ARMC2: variants seen among roughly 807,000 people sequenced by gnomAD.
ARMC2 encodes the protein armadillo repeat containing 2, also known as armadillo repeat-containing protein 2.
In ARMC2, 67 loss-of-function variants were observed where a neutral mutation model predicts 90.3. The ratio of observed to expected loss-of-function variants is 0.74; its 90% CI spans 0.61 to 0.91. The LOEUF is 0.91. Ranked by LOEUF, ARMC2 falls within the 40% of genes least tolerant of loss-of-function variation. The pLI is 0.00. For missense variants in ARMC2, 920 were observed against 1,030.9 expected (o/e 0.89, Z 1.47); for synonymous variants, 393 against 393.0 (o/e 1.00, Z 0.00).
chr6:108,907,952 T>A, intron 8 of ARMC2: 2 of 1,215,370 alleles, frequency 1.6e-6, no homozygotes, highest in Admixed American at 4.6e-5. Context: ...AATATTATTT[T>A]AAATACCTAA....
chr6:108,955,736 G>A (rs1472382571), intron 13 of ARMC2, among the ~76,000 whole-genome samples: 1 of 152,194 alleles, frequency 6.6e-6, no homozygotes, highest in African/African-American at 2.4e-5. Flanking sequence ...AATGCACGTA[G>A]CTGTGAGAGA....
chr6:108,904,188 C>T, intron 7 of ARMC2, 42 bp from the exon 8 acceptor site: 1 of 1,597,774 alleles, frequency 6.3e-7, no homozygotes, highest in South Asian at 1.1e-5. Flanking sequence ...GGAAACTTAA[C>T]CTTAATTAGT....
chr6:108,936,191 A>G (rs749695166), intron 11 of ARMC2, among the ~76,000 whole-genome samples: 4 of 152,196 alleles, frequency 2.6e-5, no homozygotes, highest in Non-Finnish European at 4.4e-5. Flanking sequence ...GTATAGCACT[A>G]CCAATCTACT....
At chr6:108,849,870 G>GCATTTAAA (rs1384323352) in intron 1 of ARMC2, among the ~76,000 whole-genome samples, 3 of 152,234 alleles carry the variant, frequency 2.0e-5, no homozygotes, top group Non-Finnish European at 4.4e-5. Flanking sequence ...TGAATTGTCA[G>GCATTTAAA]CATTTAAACC....
chr6:108,908,129 C>T (rs1005202874), intron 8 of ARMC2, among the ~76,000 whole-genome samples: 4 of 124,730 alleles, frequency 3.2e-5, no homozygotes, highest in African/African-American at 1.1e-4. Flanking sequence ...GATTCTGAGT[C>T]GGTAGTGCTG....
rs76516239 is a variant in ARMC2, at chr6:108,972,929, A to G, written c.2447-428A>G. The stretch of plus-strand genomic sequence containing the variant: ...GCAATTCTCCTACCTCAGGCTCCCA[A>G]TGTGTTGGCATTACAGGTATGAGCC... On this transcript the variant is annotated intron_variant, in intron 17 of 17. Transcript: ENST00000392644. Among the ~76,000 whole-genome samples the G allele has an allele frequency of 1.9e-3, 296 of 152,022 alleles. 5 individuals are homozygous for G. The East Asian group carries it at 0.053, about 27-fold the overall frequency.
At chr6:108,887,567 G>A (rs549425410) in intron 5 of ARMC2, among the ~76,000 whole-genome samples, 1 of 152,160 alleles carries the variant, frequency 6.6e-6, no homozygotes, top group Non-Finnish European at 1.5e-5. Context: ...AGGCCTGATT[G>A]CACCATGCCT....
At chr6:108,978,434 A>G (rs142523064), downstream of ARMC2, among the ~76,000 whole-genome samples, 1 of 152,170 alleles carries the variant, frequency 6.6e-6, no homozygotes, top group African/African-American at 2.4e-5. Context: ...CAATTTTAGC[A>G]TAAGTGCAAT....
intron 3 of ARMC2, among the ~76,000 whole-genome samples, chr6:108,858,590 T>C (rs2128418827): frequency 6.6e-6 from 1 of 150,878 alleles, no homozygotes; most frequent in East Asian, 1.9e-4. Flanking sequence ...CAGTTATATA[T>C]ACAAAAATTA....
At chr6:109,007,419 A>G in the ARMC2 span, among the ~76,000 whole-genome samples, 1 of 152,208 alleles carries the variant, frequency 6.6e-6, no homozygotes, top group Non-Finnish European at 1.5e-5. Context: ...AAATTAGTTG[A>G]GAAGTAAAAA....
At chr6:108,988,768 T>C in the ARMC2 span, 9 of 1,110,620 alleles carry the variant, frequency 8.1e-6, no homozygotes, top group Non-Finnish European at 1.1e-5. Flanking sequence ...ACATCAATAG[T>C]TAATACTGTA....
chr6:109,019,689 A>G, the ARMC2 span, among the ~76,000 whole-genome samples: 8 of 152,314 alleles, frequency 5.3e-5, no homozygotes, highest in East Asian at 1.2e-3. Context: ...TTACATTTCA[A>G]TTGAAAAAAA....
At chr6:108,926,076 G>A (rs1403488790) in intron 10 of ARMC2, among the ~76,000 whole-genome samples, 1 of 152,162 alleles carries the variant, frequency 6.6e-6, no homozygotes, top group Non-Finnish European at 1.5e-5. Flanking sequence ...CCTTTCTGCT[G>A]GCAATGTCCC....
the ARMC2 span, among the ~76,000 whole-genome samples, chr6:109,018,247 A>G: frequency 6.6e-6 from 1 of 152,230 alleles, no homozygotes; most frequent in East Asian, 1.9e-4. Context: ...TCAACATTAA[A>G]TTCAATGGAG....
chr6:108,971,508 G>A (rs1362583243), intron 17 of ARMC2, among the ~76,000 whole-genome samples: 1 of 152,120 alleles, frequency 6.6e-6, no homozygotes, highest in East Asian at 1.9e-4. Context: ...TTTGGGTGGT[G>A]ACACTAACAC....
At chr6:108,960,154 TC>T (rs1386628944) in intron 13 of ARMC2, among the ~76,000 whole-genome samples, 3 of 152,270 alleles carry the variant, frequency 2.0e-5, no homozygotes, top group East Asian at 3.9e-4. Flanking sequence ...TTGGCCCTCT[TC>T]CTGTGCCCTT....
intron 6 of ARMC2, among the ~76,000 whole-genome samples, chr6:108,895,378 G>T (rs540619521): frequency 6.6e-5 from 10 of 151,486 alleles, no homozygotes; most frequent in African/African-American, 1.9e-4. Context: ...CAACTACTTG[G>T]GAGGCTGAGG....
At chr6:109,035,436 G>A in the ARMC2 span, among the ~76,000 whole-genome samples, 1 of 152,022 alleles carries the variant, frequency 6.6e-6, no homozygotes, top group Admixed American at 6.5e-5. Flanking sequence ...AAAAGGTCGG[G>A]AGAAAGCTGA....
chr6:108,941,296 C>T (rs529962740), intron 12 of ARMC2, among the ~76,000 whole-genome samples: 15 of 152,258 alleles, frequency 9.9e-5, no homozygotes, highest in African/African-American at 3.6e-4. Context: ...ATTTCTCCCT[C>T]ATCAGTGCAA....
Sources: allele counts gnomAD v4.1 joint callset (sites outside exome capture counted in the v4.1 genomes callset), GRCh38; gene constraint gnomAD v4.1.1; transcripts MANE v1.5; gene names NCBI Gene and HGNC (gene_info 2026-07-23, HGNC 2026-07-21).